The following KIF26B variants were observed in gnomAD, a reference collection of about 807,000 sequenced individuals.
KIF26B encodes the protein kinesin family member 26B.
A neutral mutation model predicts 151.2 loss-of-function variants in KIF26B; 63 were observed. The ratio of observed to expected loss-of-function variants is 0.42; its 90% CI spans 0.34 to 0.51. The LOEUF (loss-of-function observed/expected upper bound fraction) is 0.51, where lower values mean the gene tolerates loss of function less well. Among genes scored for constraint, KIF26B ranks in the 20% least tolerant of loss-of-function variants. The pLI, the probability that KIF26B is intolerant of heterozygous loss-of-function variation, is 0.07. For synonymous variants in KIF26B, 1,357 were observed against 1,262.1 expected, an observed-to-expected ratio of 1.08 and a Z score of -1.59; for missense variants, 2,813 against 2,913.6, an observed-to-expected ratio of 0.97 and a Z score of 0.79.
At chr1:245,263,568 A>T (rs972218445) in intron 2 of KIF26B, among the ~76,000 whole-genome samples, 2 of 152,226 alleles carry the variant, frequency 1.3e-5, no homozygotes, top group African/African-American at 4.8e-5. Flanking sequence ...TAGGGAGAGA[A>T]AGATGAAAGG....
intron 5 of KIF26B, among the ~76,000 whole-genome samples, chr1:245,544,389 G>A (rs1045056855): frequency 1.4e-4 from 21 of 152,094 alleles, no homozygotes; most frequent in African/African-American, 4.1e-4. Flanking sequence ...AATCTCCAAC[G>A]CTTGAGATGG....
At chr1:245,647,177 G>A (rs147351537) in intron 10 of KIF26B, among the ~76,000 whole-genome samples, 83 of 152,224 alleles carry the variant, frequency 5.5e-4, no homozygotes, top group African/African-American at 1.5e-3. Context: ...TGTAATCCTG[G>A]CACTTTGGGA....
intron 2 of KIF26B, among the ~76,000 whole-genome samples, chr1:245,307,848 C>T (rs1273034821): frequency 6.6e-6 from 1 of 151,832 alleles, no homozygotes; most frequent in East Asian, 1.9e-4. Context: ...TCACGCAATT[C>T]TCCTGCCTCA....
intron 4 of KIF26B, among the ~76,000 whole-genome samples, chr1:245,466,185 ATGTTTGTTTGTT>A (rs3068316): frequency 1.3e-5 from 2 of 151,266 alleles, no homozygotes; most frequent in Admixed American, 6.6e-5. Context: ...ATCGATGGGA[ATGTTTGTTTGTT>A]TGTTTGTTTG....
At chr1:245,633,300 A>G (rs2043801243) in intron 9 of KIF26B, among the ~76,000 whole-genome samples, 1 of 151,028 alleles carries the variant, frequency 6.6e-6, no homozygotes, top group South Asian at 2.1e-4. Context: ...TTTTTAAATA[A>G]ATCCATTCAT....
rs1660079984 is a variant in KIF26B at position 245,478,004 on chromosome 1, C to T, written c.1166+58259C>T. Among the ~76,000 whole-genome samples, 3 of 151,820 alleles carry T rather than the reference C, an allele frequency of 2.0e-5. 1 individual carries two copies. The South Asian group carries it at 6.3e-4, about 32-fold the overall frequency. On this transcript the variant is annotated intron_variant, in intron 4 of 14. Transcript: ENST00000407071. Reference sequence around the variant, plus strand: ...CACACACCCACACACGTCCCTCTTCCAGCCGCTGGCACCCACTCATCAACA... The same window carrying T: ...CACACACCCACACACGTCCCTCTTCTAGCCGCTGGCACCCACTCATCAACA...
At chr1:245,577,714 G>T (rs1438453355) in intron 5 of KIF26B, among the ~76,000 whole-genome samples, 2 of 147,510 alleles carry the variant, frequency 1.4e-5, no homozygotes, top group African/African-American at 5.0e-5. Context: ...CTCCTCACCG[G>T]AAGAGCTTTG....
chr1:245,241,830 G>A lies in KIF26B; in HGVS notation c.465+85147G>A, dbSNP rs1013131581. Among the ~76,000 whole-genome samples the A allele has an allele frequency of 1.3e-4, 20 of 152,164 alleles. No individual in the cohort carries two copies. The highest frequency in any genetic ancestry group is 2.2e-4 in the Non-Finnish European group (15 of 68,032). ...GTGCTTGCTTTGGGGACTCGGCCCT[G>A]GTGGATCCCCTTAGCCTGTGGTATG... On this transcript the variant is annotated intron_variant, in intron 2 of 14. Transcript: ENST00000407071. The surrounding 1 kb of genome is among the most constrained non-coding windows in gnomAD (Gnocchi z 5.0).
intron 2 of KIF26B, among the ~76,000 whole-genome samples, chr1:245,303,330 C>G (rs547072643): frequency 2.0e-5 from 3 of 150,832 alleles, no homozygotes; most frequent in African/African-American, 4.9e-5. Context: ...TCCCGAGTAG[C>G]TGGGACTACA....
intron 5 of KIF26B, among the ~76,000 whole-genome samples, chr1:245,596,192 T>A (rs1263921487): frequency 6.6e-6 from 1 of 152,244 alleles, no homozygotes; most frequent in Non-Finnish European, 1.5e-5. Context: ...ATTTCTTGCC[T>A]TCTGCTAGCT....
At chr1:245,252,151 C>T (rs896972070) in intron 2 of KIF26B, among the ~76,000 whole-genome samples, 2 of 151,542 alleles carry the variant, frequency 1.3e-5, no homozygotes, top group Non-Finnish European at 2.9e-5. Context: ...TGGTGCGCAT[C>T]TGTAGTCCCA....
At position 245,705,875 on chromosome 1, in the gene KIF26B, C is replaced by T. The variant is rs572557120; in HGVS notation, c.*3269C>T. Reference sequence around the variant, plus strand: ...TGTCCTTGAATTCCCCTCTACATCACGAGGAAGCTGTCTCTTTCATCTCTT... The same window carrying T: ...TGTCCTTGAATTCCCCTCTACATCATGAGGAAGCTGTCTCTTTCATCTCTT... On this transcript the variant is annotated 3_prime_UTR_variant, in exon 15 of 15. Coordinates refer to ENST00000407071, the MANE Select transcript of KIF26B (RefSeq NM_018012.4). The T allele has an allele frequency of 7.9e-5, 12 of 152,312 alleles. No homozygotes were observed. The highest frequency in any genetic ancestry group is 4.1e-4 in the South Asian group (2 of 4,826). The allele number at this position is 152,312 out of a possible 1,614,324, so 9.4% of individuals were successfully genotyped here.
At chr1:245,646,785 C>T (rs1038530011) in intron 10 of KIF26B, among the ~76,000 whole-genome samples, 1 of 152,224 alleles carries the variant, frequency 6.6e-6, no homozygotes, top group African/African-American at 2.4e-5. Flanking sequence ...TTTTATCTGG[C>T]AACCCAATCT....
intron 10 of KIF26B, among the ~76,000 whole-genome samples, chr1:245,649,989 T>C (rs541111726): frequency 7.9e-5 from 12 of 152,194 alleles, no homozygotes; most frequent in African/African-American, 2.9e-4. Flanking sequence ...GTGGAGCAGG[T>C]TTCCAACCTC....
At position 245,691,305 on chromosome 1, in the gene KIF26B, C is replaced by T. The variant is rs141845821; in HGVS notation, c.5824+2498C>T. ...GCCCTTGCTCTGGGCTAAGTGCTCT[C>T]GTAAATGCTGTCCTCTAGGAGCCTC... On this transcript the variant is annotated intron_variant, in intron 12 of 14. Transcript: ENST00000407071. Among the ~76,000 whole-genome samples the T allele has an allele frequency of 2.6e-3, 390 of 152,318 alleles. 2 individuals carry two copies. Among genetic ancestry groups the T allele is most frequent in the African/African-American group, 8.7e-3 (362 of 41,554 alleles).
At chr1:245,305,357 C>G (rs1348305703) in intron 2 of KIF26B, among the ~76,000 whole-genome samples, 2 of 152,034 alleles carry the variant, frequency 1.3e-5, no homozygotes, top group Non-Finnish European at 2.9e-5. Flanking sequence ...TGATAAAGAA[C>G]CTGTACCCAG....
chr1:245,187,970 C>G (rs1669028446), intron 2 of KIF26B, among the ~76,000 whole-genome samples: 2 of 151,984 alleles, frequency 1.3e-5, no homozygotes, highest in Non-Finnish European at 2.9e-5. Flanking sequence ...TTAATCAACA[C>G]TGAAATTGGA....
chr1:245,684,161 G>T (rs923865119), intron 10 of KIF26B, 72 bp from the exon 11 acceptor site: 1 of 1,532,582 alleles, frequency 6.5e-7, no homozygotes, highest in Non-Finnish European at 8.9e-7. Context: ...CCGTGTGCAG[G>T]CCTGAAGCCC....
chr1:245,388,099 C>G (rs574165321), intron 3 of KIF26B, among the ~76,000 whole-genome samples: 45 of 152,054 alleles, frequency 3.0e-4, no homozygotes, highest in Non-Finnish European at 5.4e-4. Context: ...TCAGAAGTGA[C>G]GTGGAAGCTA....
Sources: gnomAD v4.1 joint callset for allele counts (sites outside exome capture counted in the v4.1 genomes callset) on GRCh38, gnomAD v4.1.1 for gene constraint, Gnocchi (gnomAD v3.1) non-coding constraint, MANE v1.5 for transcripts, NCBI Gene and HGNC (gene_info 2026-07-23, HGNC 2026-07-21) for gene names.